SEC24D: variants seen among roughly 807,000 people sequenced by gnomAD.
SEC24D encodes protein transport protein Sec24D.
In SEC24D, 69 loss-of-function variants were observed where a neutral mutation model predicts 116.9. The ratio of observed to expected loss-of-function variants is 0.59; its 90% confidence interval spans 0.49 to 0.72. SEC24D has a LOEUF of 0.72. Among genes scored for constraint, SEC24D ranks in the 30% least tolerant of loss-of-function variants. The pLI is 0.00. For synonymous variants in SEC24D, 405 were observed against 442.8 expected, an observed-to-expected ratio of 0.91 and a Z score of 1.07; for missense variants, 1,131 against 1,264.1, an observed-to-expected ratio of 0.89 and a Z score of 1.60.
At chr4:118,808,563 T>C (rs1199994759) in intron 6 of SEC24D, among the ~76,000 whole-genome samples, 1 of 152,292 alleles carries the variant, frequency 6.6e-6, no homozygotes, top group East Asian at 1.9e-4. Flanking sequence ...GTTCTGATAA[T>C]TGCTAAAAAA....
chr4:118,831,809 C>G (rs1457206117), intron 2 of SEC24D, among the ~76,000 whole-genome samples: 1 of 152,050 alleles, frequency 6.6e-6, no homozygotes, highest in African/African-American at 2.4e-5. Flanking sequence ...AGGGAAAAAT[C>G]TACAGAGTGG....
intron 2 of SEC24D, among the ~76,000 whole-genome samples, chr4:118,826,634 T>G (rs1730602451): frequency 6.6e-6 from 1 of 152,112 alleles, no homozygotes; most frequent in Admixed American, 6.5e-5. Flanking sequence ...TTTTTTCTTT[T>G]TTTAAATTTG....
rs1341002201 is a variant in SEC24D, at chr4:118,817,310, G to A, written c.351C>T (p.Val117=). ...SYPGPISTSS[V]TQLGSQLSAM... is the part of the protein sequence containing the mutation. ...CACTGAGCTGGCTGCCCAGCTGGGT[G>A]ACAGATGAAGTGGATATAGGACCTG... is the stretch of plus-strand genomic sequence containing the variant. The change falls in exon 4 of 23, where the codon GTC becomes GTT. Residue 117 remains valine, a synonymous_variant. Transcript: ENST00000280551. The A allele has an allele frequency of 7.4e-6, 12 of 1,613,670 alleles. No individual in the cohort carries two copies. Among genetic ancestry groups the A allele is most frequent in the Non-Finnish European group, 9.3e-6 (11 of 1,179,772 alleles).
intron 6 of SEC24D, among the ~76,000 whole-genome samples, chr4:118,813,979 C>G (rs1449338609): frequency 6.6e-6 from 1 of 152,192 alleles, no homozygotes; most frequent in Non-Finnish European, 1.5e-5. Flanking sequence ...TATTAATAAA[C>G]AGTAGTGCTA....
In SEC24D at chr4:118,723,458, C is replaced by A; in HGVS notation, c.*57G>T. On this transcript the variant is annotated 3_prime_UTR_variant, in exon 23 of 23. Transcript: ENST00000280551. ...GCCTATTATCATCTAGAAAATTAGG[C>A]ACCAAGAAGGAGATTATCTCCTTGG... The A allele has an allele frequency of 1.3e-6, 2 of 1,521,594 alleles. No individual in the cohort carries two copies. 94.3% of individuals were successfully genotyped at this position (1,521,594 alleles called of 1,614,324 possible).
At chr4:118,777,287 C>G (rs1728180950) in intron 8 of SEC24D, among the ~76,000 whole-genome samples, 1 of 152,096 alleles carries the variant, frequency 6.6e-6, no homozygotes, top group African/African-American at 2.4e-5. Flanking sequence ...CACAACAGAC[C>G]CCGGTGTGTG....
At chr4:118,792,331 G>A (rs1054647038) in intron 8 of SEC24D, among the ~76,000 whole-genome samples, 4 of 143,208 alleles carry the variant, frequency 2.8e-5, no homozygotes, top group Admixed American at 1.4e-4. Context: ...GCCTCTGCCC[G>A]GCCACCCTGT....
intron 2 of SEC24D, among the ~76,000 whole-genome samples, chr4:118,827,540 A>G (rs1005262340): frequency 2.6e-5 from 4 of 152,326 alleles, no homozygotes; most frequent in East Asian, 1.9e-4. Context: ...TGACTTTTCT[A>G]TTAATATTAA....
intron 6 of SEC24D, among the ~76,000 whole-genome samples, chr4:118,807,720 T>C (rs568521555): frequency 6.6e-6 from 1 of 152,298 alleles, no homozygotes; most frequent in Admixed American, 6.5e-5. Flanking sequence ...CTGACAACAC[T>C]GGTTTTATGA....
At chr4:118,728,791 T>C in intron 21 of SEC24D, 141 bp from the exon 22 acceptor site, 1 of 527,090 alleles carries the variant, frequency 1.9e-6, no homozygotes, top group Non-Finnish European at 3.3e-6. Context: ...ACCAAAACTG[T>C]GGGGAAAATG....
chr4:118,752,766 C>G lies in SEC24D; in HGVS notation c.1544G>C (p.Gly515Ala). 6.2e-7 allele frequency: 1 copy of G among 1,612,216 alleles called. No individual in the cohort carries two copies. Among genetic ancestry groups the G allele is most frequent in the Non-Finnish European group, 8.5e-7 (1 of 1,179,268 alleles). ...ATCCAACAAAGGAACAAAGACTTCT[C>G]CAACATCAGTCACCACCATCATCTG... ...QPQMMVVTDV[G>A]EVFVPLLDGF... Residue 515 changes from glycine to alanine, a missense_variant, in exon 12 of 23, where the codon GGA becomes GCA. Transcript: ENST00000280551.
chr4:118,784,337 A>G (rs1578431341), intron 8 of SEC24D, among the ~76,000 whole-genome samples: 1 of 152,240 alleles, frequency 6.6e-6, no homozygotes, highest in African/African-American at 2.4e-5. Context: ...AAGTTGATAA[A>G]TATGAAACAT....
Position 118,833,690 on chromosome 4 carries a change from G to A in SEC24D, c.7C>T (p.Gln3Ter). ...GGAGGTGTAGCCACGTAACCTTGTT[G>A]ACTCATTATGAAAATATCATTCCAT... MS[Q>*]QGYVATPPYS... The change falls in exon 2 of 23, where the codon CAA becomes TAA. Residue 3 changes from glutamine to a stop codon, truncating the protein, a stop_gained. Transcript: ENST00000280551. LOFTEE classifies it high-confidence loss of function. 1.2e-6 allele frequency: 2 copies of A among 1,606,988 alleles called. No individual in the cohort carries two copies. Among genetic ancestry groups the A allele is most frequent in the Non-Finnish European group, 1.7e-6 (2 of 1,175,364 alleles).
intron 8 of SEC24D, among the ~76,000 whole-genome samples, chr4:118,792,233 G>A (rs1309840959): frequency 6.6e-6 from 1 of 151,806 alleles, no homozygotes; most frequent in African/African-American, 2.4e-5. Context: ...TGGGAAGTAA[G>A]GAGACCCTCC....
chr4:118,761,393 C>T (rs1727372282), intron 10 of SEC24D, among the ~76,000 whole-genome samples: 1 of 152,200 alleles, frequency 6.6e-6, no homozygotes, highest in South Asian at 2.1e-4. Flanking sequence ...CCATGATACT[C>T]ATTTAACAAA....
intron 8 of SEC24D, among the ~76,000 whole-genome samples, chr4:118,790,589 A>G (rs1728851921): frequency 6.6e-6 from 1 of 152,138 alleles, no homozygotes; most frequent in African/African-American, 2.4e-5. Context: ...AAAAGACATA[A>G]AAATTTAAAA....
rs549218889 is a variant in SEC24D, at chr4:118,737,923, G to A, written c.2496+338C>T. 1.6e-3 allele frequency among the ~76,000 whole-genome samples: 242 copies of A among 152,056 alleles called. 4 individuals are homozygous for A. Among genetic ancestry groups the A allele is most frequent in the African/African-American group, 5.5e-3 (229 of 41,472 alleles). ...GTTAATATGCCTAAAATGTATTTAA[G>A]CATACACATTTCATAACAAAATACC... is the stretch of plus-strand genomic sequence containing the variant. On this transcript the variant is annotated intron_variant, in intron 19 of 22. Transcript: ENST00000280551.
intron 8 of SEC24D, among the ~76,000 whole-genome samples, chr4:118,779,893 A>G (rs1728317429): frequency 6.6e-6 from 1 of 152,102 alleles, no homozygotes; most frequent in Admixed American, 6.5e-5. Flanking sequence ...ATTTGCTTAG[A>G]GGTGTTTATA....
In SEC24D at chr4:118,812,226, C is replaced by T. The variant is rs1729949169; in HGVS notation, c.801+2802G>A. 2.6e-5 allele frequency among the ~76,000 whole-genome samples: 4 copies of T among 152,156 alleles called. No individual in the cohort carries two copies. The South Asian group carries it at 8.3e-4, about 32-fold the overall frequency. On this transcript the variant is annotated intron_variant, in intron 6 of 22. Coordinates refer to ENST00000280551, the MANE Select transcript of SEC24D (RefSeq NM_014822.4). ...CTATCTATGATGGGCAGAGTGGTGGCCCTCAGAAAGATATGTCCATGTCCT... is the reference window on the plus strand; with the variant it reads ...CTATCTATGATGGGCAGAGTGGTGGTCCTCAGAAAGATATGTCCATGTCCT...
Sources: gnomAD v4.1 joint callset for allele counts (sites outside exome capture counted in the v4.1 genomes callset) on GRCh38, gnomAD v4.1.1 for gene constraint, MANE v1.5 for transcripts, NCBI Gene and HGNC (gene_info 2026-07-23, HGNC 2026-07-21) for gene names.